TNRC18: variants seen among roughly 807,000 people sequenced by gnomAD.
TNRC18 encodes trinucleotide repeat-containing gene 18 protein.
In TNRC18, 69 loss-of-function variants were observed where a neutral mutation model predicts 226.7. The observed-to-expected ratio is 0.30, with a 90% CI of 0.25 to 0.37. The LOEUF is 0.37. Ranked by LOEUF, TNRC18 falls within the 10% of genes least tolerant of loss-of-function variation. TNRC18 has a pLI of 1.00. For missense variants in TNRC18, 4,754 were observed against 4,256.6 expected, an observed-to-expected ratio of 1.12 and a Z score of -3.25; for synonymous variants, 2,449 against 1,927.6, an observed-to-expected ratio of 1.27 and a Z score of -7.09.
chr7:5,343,582 C>G (rs985866065), intron 18 of TNRC18, among the ~76,000 whole-genome samples: 2 of 152,118 alleles, frequency 1.3e-5, no homozygotes, highest in African/African-American at 4.8e-5. Flanking sequence ...GCTACCGTGC[C>G]TGGCTAATTT....
At position 5,378,001 on chromosome 7, in the gene TNRC18, A is replaced by C; in HGVS notation, c.2176T>G (p.Cys726Gly). The C allele has an allele frequency of 6.2e-7, 1 of 1,612,200 alleles. No individual in the cohort carries two copies. Among genetic ancestry groups the C allele is most frequent in the Non-Finnish European group, 8.5e-7 (1 of 1,179,662 alleles). Residue 726 changes from cysteine to glycine, a missense_variant, in exon 6 of 30, where the codon TGT becomes GGT. Physicochemically the swap from Cys to Gly is radical, Grantham distance 159. Transcript: ENST00000430969. ...CGGTGTCTGGCCCGGTCGTCCACAC[A>C]GTCCTCATCTGCTCGGCCGTGCCCT... ...VKGHGRADED[C>G]VDDRARHREE...
At position 5,370,509 on chromosome 7, in the gene TNRC18, G is replaced by A. The variant is rs754820289; in HGVS notation, c.4085C>T (p.Ala1362Val). Residue 1362 changes from alanine to valine, a missense_variant, in exon 11 of 30, where the codon GCT (alanine) becomes GTT (valine). Ala to Val is a moderately conservative substitution (Grantham distance 64). Transcript: ENST00000430969. ...PQARPLPSPG[A>V]AGAQALEKLE... ...CTTCTCCAAGGCCTGGGCTCCAGCAGCACCCGGGGAGGGCAGAGGCCTGGC... is the reference window on the plus strand; with the variant it reads ...CTTCTCCAAGGCCTGGGCTCCAGCAACACCCGGGGAGGGCAGAGGCCTGGC... 4.4e-6 allele frequency: 7 copies of A among 1,596,604 alleles called. No homozygotes were observed. The Admixed American group carries it at 8.8e-5, about 20-fold the overall frequency.
At chr7:5,406,418 C>T (rs771467543) in intron 2 of TNRC18, among the ~76,000 whole-genome samples, 18 of 150,468 alleles carry the variant, frequency 1.2e-4, no homozygotes, top group East Asian at 2.0e-4. Flanking sequence ...GCCGAGATTG[C>T]GCCACTGCAC....
At chr7:5,398,198 T>G (rs1471934256) in intron 2 of TNRC18, among the ~76,000 whole-genome samples, 1 of 151,912 alleles carries the variant, frequency 6.6e-6, no homozygotes, top group East Asian at 1.9e-4. Context: ...AGATGGGAGT[T>G]TCGCTCTTGT....
At chr7:5,382,662 C>G (rs1470044555) in intron 5 of TNRC18, among the ~76,000 whole-genome samples, 1 of 152,186 alleles carries the variant, frequency 6.6e-6, no homozygotes, top group Non-Finnish European at 1.5e-5. Flanking sequence ...GGGACATCCC[C>G]ACAGCCCCTC....
At chr7:5,414,665 G>A (rs1357701549) in intron 2 of TNRC18, among the ~76,000 whole-genome samples, 1 of 152,178 alleles carries the variant, frequency 6.6e-6, no homozygotes, top group Admixed American at 6.5e-5. Flanking sequence ...ACCCGCCTCA[G>A]CCTCCCAAAG....
intron 27 of TNRC18, among the ~76,000 whole-genome samples, chr7:5,311,198 G>GTGTGTGCA (rs1491576633): frequency 2.0e-5 from 3 of 151,946 alleles, no homozygotes; most frequent in African/African-American, 4.8e-5. Context: ...ACATATGTGC[G>GTGTGTGCA]TGTGTGTGTG....
At chr7:5,380,122 C>G (rs907234209) in intron 5 of TNRC18, among the ~76,000 whole-genome samples, 1 of 152,168 alleles carries the variant, frequency 6.6e-6, no homozygotes, top group Admixed American at 6.5e-5. Context: ...TCTCCCTTCC[C>G]ACACCCCCAA....
At chr7:5,405,601 G>C (rs1781411205) in intron 2 of TNRC18, among the ~76,000 whole-genome samples, 1 of 151,890 alleles carries the variant, frequency 6.6e-6, no homozygotes, top group Non-Finnish European at 1.5e-5. Context: ...CAAAAAGCCA[G>C]ACATGGTAGC....
intron 5 of TNRC18, among the ~76,000 whole-genome samples, chr7:5,386,582 A>G (rs1279886439): frequency 6.6e-6 from 1 of 151,376 alleles, no homozygotes; most frequent in African/African-American, 2.4e-5. Context: ...TCCAAAAAAA[A>G]AAAAAGAAAA....
chr7:5,345,878 C>A, intron 17 of TNRC18, 68 bp from the exon 18 acceptor site: 1 of 1,487,600 alleles, frequency 6.7e-7, no homozygotes. Flanking sequence ...CCACCGCCCC[C>A]TGGCCCAGAG....
At position 5,420,116 on chromosome 7, in the gene TNRC18, C is replaced by T. The variant is rs1359418348; in HGVS notation, c.187+944G>A. The stretch of plus-strand genomic sequence containing the variant: ...GTCCCCGAGTCTCCTTCCCACCCCT[C>T]TGGCTGCAGCGGCCGCGGACTGACT... On this transcript the variant is annotated intron_variant, in intron 2 of 29. Coordinates refer to ENST00000430969, the MANE Select transcript of TNRC18 (RefSeq NM_001080495.3). The T allele has an allele frequency of 9.5e-6, 3 of 316,130 alleles. No individual in the cohort carries two copies. The Admixed American group carries it at 1.4e-4, about 15-fold the overall frequency. 19.6% of individuals were successfully genotyped at this position (316,130 alleles called of 1,614,324 possible).
intron 14 of TNRC18, among the ~76,000 whole-genome samples, chr7:5,361,273 C>A (rs73338477): frequency 6.6e-6 from 1 of 152,190 alleles, no homozygotes; most frequent in Non-Finnish European, 1.5e-5. Flanking sequence ...CGGGTCCTTC[C>A]GCAGGGAGGA....
intron 17 of TNRC18, among the ~76,000 whole-genome samples, chr7:5,346,708 G>T (rs1285585430): frequency 6.6e-6 from 1 of 152,162 alleles, no homozygotes; most frequent in African/African-American, 2.4e-5. Context: ...TTCTGGGGAG[G>T]CTGGGCAAGT....
Position 5,326,430 on chromosome 7 carries a change from C to T in TNRC18, c.6148-1182G>A, listed in dbSNP as rs113894904. Among the ~76,000 whole-genome samples the T allele has an allele frequency of 2.2e-3, 339 of 152,086 alleles. 1 individual carries two copies. Among genetic ancestry groups the T allele is most frequent in the African/African-American group, 7.8e-3 (323 of 41,506 alleles). On this transcript the variant is annotated intron_variant, in intron 19 of 29. Coordinates refer to ENST00000430969, the MANE Select transcript of TNRC18 (RefSeq NM_001080495.3). The stretch of plus-strand genomic sequence containing the variant: ...ATGAGAAGGGCCTGTAGGCTGCCTC[C>T]GTTTTTTCACTCTCTGTTTTGTTGT...
intron 18 of TNRC18, among the ~76,000 whole-genome samples, chr7:5,339,471 C>T (rs1790455418): frequency 6.6e-6 from 1 of 151,918 alleles, no homozygotes. Flanking sequence ...AACTCCTGAC[C>T]TCTGATGTTC....
At chr7:5,335,428 T>A (rs1046656677) in intron 18 of TNRC18, among the ~76,000 whole-genome samples, 1 of 146,174 alleles carries the variant, frequency 6.8e-6, no homozygotes, top group Non-Finnish European at 1.5e-5. Flanking sequence ...GCCAACATGG[T>A]GAAACACCAT....
chr7:5,337,215 G>A (rs1002847332), intron 18 of TNRC18, among the ~76,000 whole-genome samples: 1 of 151,406 alleles, frequency 6.6e-6, no homozygotes, highest in African/African-American at 2.4e-5. Context: ...AAGAGAGCAG[G>A]ATATCTTCTA....
intron 2 of TNRC18, among the ~76,000 whole-genome samples, chr7:5,402,484 G>A (rs1250092192): frequency 6.6e-6 from 1 of 151,894 alleles, no homozygotes; most frequent in Non-Finnish European, 1.5e-5. Flanking sequence ...GCAGTGAGCC[G>A]AGATCGCGCC....
Sources: gnomAD v4.1 joint callset for allele counts (sites outside exome capture counted in the v4.1 genomes callset) on GRCh38, gnomAD v4.1.1 for gene constraint, MANE v1.5 for transcripts, NCBI Gene and HGNC (gene_info 2026-07-23, HGNC 2026-07-21) for gene names.